TBL1XR1: variants seen among roughly 807,000 people sequenced by gnomAD.
TBL1XR1 encodes the protein TBL1X/Y related 1.
TBL1XR1 carries 5 observed loss-of-function variants against 66.9 expected under a neutral mutation model. The ratio of observed to expected loss-of-function variants is 0.07; its 90% confidence interval spans 0.04 to 0.16. TBL1XR1 has a LOEUF of 0.16. TBL1XR1 is among the 10% of genes least tolerant of loss of function. The pLI, the probability that TBL1XR1 is intolerant of heterozygous loss-of-function variation, is 1.00. For synonymous variants in TBL1XR1, 210 were observed against 206.0 expected (o/e 1.02, Z -0.17); for missense variants, 238 against 623.2 (o/e 0.38, Z 6.58).
intron 1 of TBL1XR1, among the ~76,000 whole-genome samples, chr3:177,138,268 G>C (rs1409332946): frequency 1.3e-5 from 2 of 152,158 alleles, no homozygotes; most frequent in East Asian, 3.9e-4. Flanking sequence ...CAGCTTAAAG[G>C]TAAGGATAAA....
At chr3:177,125,729 T>C (rs1183604834) in intron 1 of TBL1XR1, among the ~76,000 whole-genome samples, 2 of 152,204 alleles carry the variant, frequency 1.3e-5, no homozygotes, top group African/African-American at 4.8e-5. Flanking sequence ...ATTTTCTTTA[T>C]GATTCACTAA....
chr3:177,173,302 T>G (rs753588485), intron 1 of TBL1XR1, among the ~76,000 whole-genome samples: 25 of 152,230 alleles, frequency 1.6e-4, no homozygotes, highest in Non-Finnish European at 1.0e-4. Context: ...AACATCCCTT[T>G]GCCTTGCATG....
At position 177,026,473 on chromosome 3, in the gene TBL1XR1, G is replaced by A. The variant is rs1560091765; in HGVS notation, c.1418C>T (p.Thr473Ile). The change falls in exon 15 of 16, where the codon ACA becomes ATA. Residue 473 changes from threonine to isoleucine, a missense_variant and splice_region_variant. By Grantham distance (89) the Thr-to-Ile change is moderately conservative (BLOSUM62 -1). This residue lies in a region of TBL1XR1 where 26 missense variants were observed against 35.1 expected (regional missense o/e 0.74). Coordinates refer to ENST00000457928, the MANE Select transcript of TBL1XR1 (RefSeq NM_024665.7). ...CCTATAGCTGTGAACTAGAGCACCTGTCTAAAAGAATGAAAAACAAAATCT... is the reference window on the plus strand; with the variant it reads ...CCTATAGCTGTGAACTAGAGCACCTATCTAAAAGAATGAAAAACAAAATCT... ...DKCVHIWNTQ[T>I]GALVHSYRGT... is the part of the protein sequence containing the mutation. The A allele has an allele frequency of 5.7e-6, 9 of 1,575,562 alleles. No individual in the cohort carries two copies. Among genetic ancestry groups the A allele is most frequent in the East Asian group, 4.5e-5 (2 of 44,282 alleles).
intron 4 of TBL1XR1, among the ~76,000 whole-genome samples, chr3:177,053,395 A>T (rs1177634805): frequency 6.6e-6 from 1 of 152,216 alleles, no homozygotes; most frequent in African/African-American, 2.4e-5. Context: ...TTAGATAGGC[A>T]GTACCATCCA....
intron 14 of TBL1XR1, chr3:177,027,081 T>C (rs1369337654): frequency 1.3e-5 from 2 of 152,252 alleles, no homozygotes; most frequent in African/African-American, 4.8e-5. Flanking sequence ...CTGCACCTTC[T>C]AACTCCTGGG....
At chr3:177,194,262 A>G (rs1186828093) in intron 1 of TBL1XR1, 1 of 152,210 alleles carries the variant, frequency 6.6e-6, no homozygotes, top group Non-Finnish European at 1.5e-5. Context: ...AGAATGTCTG[A>G]GCATAAAGTA....
intron 1 of TBL1XR1, among the ~76,000 whole-genome samples, chr3:177,099,793 A>G (rs1276914383): frequency 6.6e-6 from 1 of 152,286 alleles, no homozygotes; most frequent in Non-Finnish European, 1.5e-5. Context: ...TTATTTCAGT[A>G]TAAAGTTTTT....
chr3:177,128,263 A>G (rs138596596), intron 1 of TBL1XR1, among the ~76,000 whole-genome samples: 2 of 152,182 alleles, frequency 1.3e-5, no homozygotes, highest in African/African-American at 4.8e-5. Context: ...GTACACTGTA[A>G]TTTAAAACAT....
chr3:177,083,571 A>ACTGGTCT, intron 2 of TBL1XR1, among the ~76,000 whole-genome samples: 1 of 152,338 alleles, frequency 6.6e-6, no homozygotes, highest in South Asian at 2.1e-4. Context: ...AATATCATTC[A>ACTGGTCT]CTGGTCTCTA....
chr3:177,154,953 A>G (rs1194225920), intron 1 of TBL1XR1, among the ~76,000 whole-genome samples: 1 of 152,240 alleles, frequency 6.6e-6, no homozygotes, highest in African/African-American at 2.4e-5. Context: ...CTCTGGCTAC[A>G]AAGAAAAGTC....
rs187062741 is a variant in TBL1XR1, at chr3:177,074,282, T to A, written c.-45-9260A>T. On this transcript the variant is annotated intron_variant, in intron 2 of 15. Transcript: ENST00000457928. Reference sequence around the variant, plus strand: ...GTGTTTAATAATGCCAAGAAACTAGTCTACACTCACACTGCTATTCCTGAC... The same window carrying A: ...GTGTTTAATAATGCCAAGAAACTAGACTACACTCACACTGCTATTCCTGAC... 1.8e-4 allele frequency among the ~76,000 whole-genome samples: 27 copies of A among 152,280 alleles called. No individual in the cohort carries two copies. In the East Asian group the frequency reaches 4.8e-3, roughly 27 times the overall value.
intron 1 of TBL1XR1, among the ~76,000 whole-genome samples, chr3:177,114,657 C>A (rs1370407181): frequency 1.3e-5 from 2 of 150,976 alleles, no homozygotes; most frequent in Non-Finnish European, 2.9e-5. Flanking sequence ...TGTCGTATGT[C>A]ACTTTTTTAA....
intron 2 of TBL1XR1, among the ~76,000 whole-genome samples, chr3:177,071,612 CTG>C (rs1393503791): frequency 6.6e-6 from 1 of 151,984 alleles, no homozygotes; most frequent in Non-Finnish European, 1.5e-5. Flanking sequence ...TAAAAAAAAA[CTG>C]TGAAGAGATC....
At chr3:177,148,761 G>A (rs1205586610) in intron 1 of TBL1XR1, among the ~76,000 whole-genome samples, 1 of 152,016 alleles carries the variant, frequency 6.6e-6, no homozygotes, top group Non-Finnish European at 1.5e-5. Context: ...TGTAATCCCT[G>A]CACTTTGGGA....
intron 2 of TBL1XR1, among the ~76,000 whole-genome samples, chr3:177,066,149 TAGC>T (rs1388803999): frequency 6.6e-6 from 1 of 152,104 alleles, no homozygotes; most frequent in Non-Finnish European, 1.5e-5. Context: ...ATGATACAGT[TAGC>T]AGATTTTTTA....
At chr3:177,135,333 G>GTGTGTGTGTGTGTGTT (rs1560213907) in intron 1 of TBL1XR1, among the ~76,000 whole-genome samples, 1 of 53,820 alleles carries the variant, frequency 1.9e-5, no homozygotes, top group Non-Finnish European at 3.7e-5. Flanking sequence ...GTGTGTGTGT[G>GTGTGTGTGTGTGTGTT]TATACATATA....
At chr3:177,093,024 T>C (rs900361591) in intron 2 of TBL1XR1, among the ~76,000 whole-genome samples, 1 of 152,140 alleles carries the variant, frequency 6.6e-6, no homozygotes, top group African/African-American at 2.4e-5. Flanking sequence ...GAAGGCAAAC[T>C]GTTGCTGTTT....
chr3:177,053,403 C>A (rs1717373929), intron 4 of TBL1XR1, among the ~76,000 whole-genome samples: 1 of 152,150 alleles, frequency 6.6e-6, no homozygotes, highest in African/African-American at 2.4e-5. Flanking sequence ...GCAGTACCAT[C>A]CAGAGTTGGC....
intron 12 of TBL1XR1, 79 bp downstream of exon 12, chr3:177,038,019 T>C: frequency 7.9e-7 from 1 of 1,264,908 alleles, no homozygotes; most frequent in South Asian, 1.3e-5. Flanking sequence ...AAGACAGACA[T>C]TCTAAATGGT....
Sources: gnomAD v4.1 joint callset for allele counts (sites outside exome capture counted in the v4.1 genomes callset) on GRCh38, gnomAD v4.1.1 for gene constraint, gnomAD v4.1.1 regional missense constraint, MANE v1.5 for transcripts, NCBI Gene and HGNC (gene_info 2026-07-23, HGNC 2026-07-21) for gene names.